The following ARHGEF10 variants were observed in gnomAD, a reference collection of about 807,000 sequenced individuals.
ARHGEF10 encodes the protein Rho guanine nucleotide exchange factor 10.
A neutral mutation model predicts 147.4 loss-of-function variants in ARHGEF10; 140 were observed. The ratio of observed to expected loss-of-function variants is 0.95; its 90% CI spans 0.83 to 1.09. ARHGEF10 has a LOEUF of 1.09. Among genes scored for constraint, ARHGEF10 ranks in the 50% least tolerant of loss-of-function variants. ARHGEF10 has a pLI of 0.00. For missense variants in ARHGEF10, 2,222 were observed against 1,752.7 expected, an observed-to-expected ratio of 1.27 and a Z score of -4.78; for synonymous variants, 902 against 695.8, an observed-to-expected ratio of 1.30 and a Z score of -4.67.
rs140913866 is a variant in ARHGEF10 at position 1,838,601 on chromosome 8, A to C, written c.-47-4752A>C. The stretch of plus-strand genomic sequence containing the variant: ...TCTTCAGCACAGTTGGTGTTGGCTG[A>C]ATATTTTTGACTGAGGCTAAAGGGT... On this transcript the variant is annotated intron_variant, in intron 1 of 28. Transcript: ENST00000349830. Among the ~76,000 whole-genome samples the C allele has an allele frequency of 4.1e-3, 628 of 152,370 alleles. 3 individuals carry two copies. Among genetic ancestry groups the C allele is most frequent in the Non-Finnish European group, 7.4e-3 (504 of 68,036 alleles).
intron 2 of ARHGEF10, among the ~76,000 whole-genome samples, chr8:1,856,330 G>A (rs1805550140): frequency 6.6e-6 from 1 of 152,232 alleles, no homozygotes; most frequent in Admixed American, 6.5e-5. Context: ...GGGTCCCCAG[G>A]TGTCATGGTC....
At chr8:1,893,070 T>G (rs570785437) in intron 11 of ARHGEF10, among the ~76,000 whole-genome samples, 1 of 140,934 alleles carries the variant, frequency 7.1e-6, no homozygotes, top group African/African-American at 2.9e-5. Context: ...AGGTAGATCT[T>G]TGGATGGTTG....
intron 1 of ARHGEF10, among the ~76,000 whole-genome samples, chr8:1,836,429 C>G (rs989675444): frequency 6.6e-6 from 1 of 152,102 alleles, no homozygotes; most frequent in Non-Finnish European, 1.5e-5. Flanking sequence ...CCATTGAAAA[C>G]GATGCCGGTG....
chr8:1,932,472 G>T (rs1813231247), intron 25 of ARHGEF10, among the ~76,000 whole-genome samples: 1 of 152,054 alleles, frequency 6.6e-6, no homozygotes, highest in Non-Finnish European at 1.5e-5. Context: ...GTGTGTATGT[G>T]TGTGACATGT....
intron 18 of ARHGEF10, among the ~76,000 whole-genome samples, chr8:1,910,972 G>A (rs1472341061): frequency 6.6e-6 from 1 of 152,090 alleles, no homozygotes; most frequent in Non-Finnish European, 1.5e-5. Flanking sequence ...GATTCAGTTA[G>A]CAATGTGAAA....
At chr8:1,894,625 T>G in intron 13 of ARHGEF10, 53 bp downstream of exon 13, 1 of 1,587,232 alleles carries the variant, frequency 6.3e-7, no homozygotes, top group Admixed American at 1.7e-5. Flanking sequence ...GCACCTGTCC[T>G]CTCTTCCCTT....
chr8:1,932,312 T>C (rs1011697727), intron 25 of ARHGEF10, among the ~76,000 whole-genome samples: 2 of 151,962 alleles, frequency 1.3e-5, no homozygotes, highest in African/African-American at 4.8e-5. Context: ...TGTATGCACA[T>C]GTGTGTATGC....
chr8:1,933,339 A>C (rs1295254034), intron 25 of ARHGEF10, among the ~76,000 whole-genome samples: 1 of 152,154 alleles, frequency 6.6e-6, no homozygotes, highest in African/African-American at 2.4e-5. Context: ...TGATGACTGA[A>C]TCATCTTCTC....
At chr8:1,881,288 C>G (rs1808172619) in intron 9 of ARHGEF10, among the ~76,000 whole-genome samples, 1 of 147,698 alleles carries the variant, frequency 6.8e-6, no homozygotes, top group African/African-American at 2.6e-5. Flanking sequence ...CTCTGGGGCT[C>G]AGGGAGCATG....
chr8:1,912,237 G>T (rs903853846), intron 18 of ARHGEF10, among the ~76,000 whole-genome samples: 1 of 151,828 alleles, frequency 6.6e-6, no homozygotes, highest in East Asian at 1.9e-4. Context: ...CCGCAGAAGC[G>T]CCATGTGGAT....
intron 18 of ARHGEF10, among the ~76,000 whole-genome samples, chr8:1,921,627 C>T (rs1472575633): frequency 2.6e-5 from 4 of 151,978 alleles, no homozygotes; most frequent in East Asian, 1.9e-4. Context: ...CCAGCTTATT[C>T]GGGAGGCTGA....
At chr8:1,855,793 A>G (rs12115061) in intron 2 of ARHGEF10, among the ~76,000 whole-genome samples, 1 of 152,124 alleles carries the variant, frequency 6.6e-6, no homozygotes, top group African/African-American at 2.4e-5. Context: ...CCAAACGTGA[A>G]TTCTGTGGAA....
chr8:1,898,583 T>C, intron 15 of ARHGEF10, 58 bp downstream of exon 15: 1 of 1,534,368 alleles, frequency 6.5e-7, no homozygotes, highest in Non-Finnish European at 9.0e-7. Context: ...ATGACTCATT[T>C]GAAAATGGCG....
rs1179963610 is a variant in ARHGEF10, at chr8:1,923,567, C to G, written c.2359C>G (p.Gln787Glu). Reference sequence around the variant, plus strand: ...CAGAGCTGCGGACTGCTGCAGAATTCAGTTACAGCTTCCCGGGAAGCAGGA... The same window carrying G: ...CAGAGCTGCGGACTGCTGCAGAATTGAGTTACAGCTTCCCGGGAAGCAGGA... The part of the protein sequence containing the change: ...EIRAADCCRI[Q>E]LQLPGKQDKS... The change falls in exon 20 of 29, where the codon CAG becomes GAG. Residue 787 changes from glutamine (Q) to glutamate (E), a missense_variant. Gln to Glu is a conservative substitution (Grantham distance 29, BLOSUM62 2). Transcript: ENST00000349830. The G allele has an allele frequency of 2.5e-6, 4 of 1,614,108 alleles. 1 individual carries two copies. In the South Asian group the frequency reaches 4.4e-5, roughly 18 times the overall value.
At chr8:1,853,621 G>A (rs1805318725) in intron 2 of ARHGEF10, among the ~76,000 whole-genome samples, 1 of 152,242 alleles carries the variant, frequency 6.6e-6, no homozygotes, top group South Asian at 2.1e-4. Flanking sequence ...AGCCCAGCTT[G>A]CCTGGCTCCC....
chr8:1,903,813 G>T, intron 16 of ARHGEF10: 1 of 337,306 alleles, frequency 3.0e-6, no homozygotes, highest in Middle Eastern at 1.0e-3. Context: ...ATATTTACAG[G>T]CTAGGCACAG....
intron 26 of ARHGEF10, among the ~76,000 whole-genome samples, chr8:1,938,829 C>G (rs1232406883): frequency 2.6e-5 from 4 of 152,128 alleles, no homozygotes; most frequent in African/African-American, 9.7e-5. Flanking sequence ...GATCCCCGAA[C>G]ACTGTGGAAT....
At chr8:1,949,668 G>GA (rs1235402262) in intron 27 of ARHGEF10, among the ~76,000 whole-genome samples, 1 of 150,750 alleles carries the variant, frequency 6.6e-6, no homozygotes, top group Admixed American at 6.6e-5. Flanking sequence ...ATTTCCATTA[G>GA]AAAAAAAAAG....
At chr8:1,856,346 G>A (rs1479287337) in intron 2 of ARHGEF10, among the ~76,000 whole-genome samples, 22 of 152,154 alleles carry the variant, frequency 1.4e-4, no homozygotes, top group Admixed American at 1.4e-3. Context: ...TGGTCAGCTG[G>A]GGGTCTCATC....
Sources: gnomAD v4.1 joint callset for allele counts (sites outside exome capture counted in the v4.1 genomes callset) on GRCh38, gnomAD v4.1.1 for gene constraint, MANE v1.5 for transcripts, NCBI Gene and HGNC (gene_info 2026-07-23, HGNC 2026-07-21) for gene names.